MYBPC3: variants seen among roughly 807,000 people sequenced by gnomAD.
MYBPC3 encodes myosin-binding protein C, cardiac-type.
In MYBPC3, 108 loss-of-function variants were observed where a neutral mutation model predicts 159.3. That is an observed-to-expected ratio of 0.68 (90% CI 0.58 to 0.80). MYBPC3 has a LOEUF of 0.80. Among genes scored for constraint, MYBPC3 ranks in the 30% least tolerant of loss-of-function variants. The pLI is 0.00. For synonymous variants in MYBPC3, 730 were observed against 702.0 expected (o/e 1.04, Z -0.63); for missense variants, 1,631 against 1,762.1 (o/e 0.93, Z 1.33).
At position 47,351,433 on chromosome 11, in the gene MYBPC3, G is replaced by A. The variant is rs2095900926; in HGVS notation, c.98C>T (p.Thr33Ile). ...AGSPAVFEAE[T>I]ERAGVKVRWQ... ...GCGCACCTTCACTCCTGCCCGCTCT[G>A]TCTCGGCCTCGAACACGGCAGGGCT... Residue 33 changes from threonine (T) to isoleucine (I), a missense_variant, in exon 2 of 35, where the codon ACA (threonine) becomes ATA (isoleucine). Transcript: ENST00000545968. The surrounding 1 kb of genome is among the most constrained non-coding windows in gnomAD (Gnocchi z 4.2). The A allele has an allele frequency of 6.8e-6, 11 of 1,609,728 alleles. No homozygotes were observed. The highest frequency in any genetic ancestry group is 1.6e-4 in the Middle Eastern group (1 of 6,080).
At chr11:47,350,678 C>T in intron 2 of MYBPC3, 63 bp from the exon 3 acceptor site, 18 of 1,411,490 alleles carry the variant, frequency 1.3e-5, no homozygotes, top group Non-Finnish European at 1.7e-5. Context: ...CACCCTCTCT[C>T]TCCTGAGCAT....
chr11:47,332,992 G>T lies in MYBPC3; in HGVS notation c.3331-19C>A. On this transcript the variant is annotated intron_variant, in intron 30 of 34. Transcript: ENST00000545968. The surrounding 1 kb of genome is among the most constrained non-coding windows in gnomAD (Gnocchi z 4.2). ...ACCACTCCTGGGGGCAGGGAGGGAG[G>T]GGAGGCATCTCTGGGCCAGGCCCTT... The T allele has an allele frequency of 6.2e-7, 1 of 1,602,638 alleles. No individual in the cohort carries two copies. The highest frequency in any genetic ancestry group is 1.1e-5 in the South Asian group (1 of 89,062).
At position 47,346,606 on chromosome 11, in the gene MYBPC3, T is replaced by C; in HGVS notation, c.926+21A>G. The C allele has an allele frequency of 6.4e-7, 1 of 1,567,608 alleles. No individual in the cohort carries two copies. Among genetic ancestry groups the C allele is most frequent in the Admixed American group, 1.9e-5 (1 of 53,430 alleles). On this transcript the variant is annotated intron_variant, in intron 11 of 34. Coordinates refer to ENST00000545968, the MANE Select transcript of MYBPC3 (RefSeq NM_000256.3). This position sits in a 1 kb window ranked among gnomAD's most constrained non-coding sequence, Gnocchi z 5.3. Reference sequence around the variant, plus strand: ...GCAGAATTAGGGGTGATGAGGGTGCTGTGCTATGTTGGGCACTCACCTCGG... The same window carrying C: ...GCAGAATTAGGGGTGATGAGGGTGCCGTGCTATGTTGGGCACTCACCTCGG...
chr11:47,345,632 C>T (rs141487051), intron 12 of MYBPC3, among the ~76,000 whole-genome samples: 2 of 152,288 alleles, frequency 1.3e-5, no homozygotes, highest in Non-Finnish European at 2.9e-5. Context: ...CTTGTCAACC[C>T]CTCAGTGGAG....
intron 5 of MYBPC3, among the ~76,000 whole-genome samples, chr11:47,348,930 A>ATATATATATATAT (rs1291880008): frequency 3.3e-4 from 44 of 133,592 alleles, no homozygotes; most frequent in Non-Finnish European, 4.6e-4. Flanking sequence ...ATATATATTT[A>ATATATATATATAT]AAGGAGGCTG....
At chr11:47,337,952 C>CTTTT (rs11323436) in intron 23 of MYBPC3, among the ~76,000 whole-genome samples, 158 bp from the exon 24 acceptor site, 6 of 116,628 alleles carry the variant, frequency 5.1e-5, no homozygotes, top group Non-Finnish European at 8.5e-5. Flanking sequence ...TCTTCTTTTC[C>CTTTT]TTTTTTTTTT....
In MYBPC3 at chr11:47,342,613, C is replaced by T. The variant is rs753696015; in HGVS notation, c.1589G>A (p.Ser530Asn). ...GAGCTCAGCCAGCGCCTGGCCCCCG[C>T]TAGTGCACAGTGCATAGTGCCCCGC... ...EDAGHYALCTSGGQALAELIV... is the reference protein window; with the variant it reads ...EDAGHYALCTNGGQALAELIV... Residue 530 changes from serine (S) to asparagine (N), a missense_variant, in exon 17 of 35, where the codon AGC becomes AAC. Physicochemically the swap from Ser to Asn is conservative, Grantham distance 46. Coordinates refer to ENST00000545968, the MANE Select transcript of MYBPC3 (RefSeq NM_000256.3). 1 of 1,613,290 alleles carries T rather than the reference C, an allele frequency of 6.2e-7. No homozygotes were observed. The highest frequency in any genetic ancestry group is 1.7e-5 in the Admixed American group (1 of 59,984).
chr11:47,337,386 C>A lies in MYBPC3; in HGVS notation c.2602+5G>T. The A allele has an allele frequency of 6.3e-7, 1 of 1,574,946 alleles. No individual in the cohort carries two copies. ...GGGGGGCAGGACCAGGCCAGGCAGGCTCACCGATAGGCATGAAGGGCTGGG... is the reference window on the plus strand; with the variant it reads ...GGGGGGCAGGACCAGGCCAGGCAGGATCACCGATAGGCATGAAGGGCTGGG... On this transcript the variant is annotated splice_donor_5th_base_variant and intron_variant, in intron 25 of 34. Transcript: ENST00000545968.
rs193922379 is a variant in MYBPC3 at position 47,337,456 on chromosome 11, A to T, written c.2537T>A (p.Val846Asp). ...MIEGVVYEMR[V>D]YAVNAIGMSR... The stretch of plus-strand genomic sequence containing the variant: ...CATGCCGATGGCGTTGACCGCGTAG[A>T]CGCGCATCTCGTACACCACGCCCTC... Residue 846 changes from valine (V) to aspartate (D), a missense_variant, in exon 25 of 35, where the codon GTC becomes GAC. Transcript: ENST00000545968. The T allele has an allele frequency of 6.2e-7, 1 of 1,613,480 alleles. No homozygotes were observed. The highest frequency in any genetic ancestry group is 8.5e-7 in the Non-Finnish European group (1 of 1,179,812).
Position 47,351,426 on chromosome 11 carries a change from C to G in MYBPC3, c.105G>C (p.Arg35=). Residue 35 remains arginine, a synonymous_variant, in exon 2 of 35, where the codon CGG becomes CGC. Coordinates refer to ENST00000545968, the MANE Select transcript of MYBPC3 (RefSeq NM_000256.3). This position sits in a 1 kb window ranked among gnomAD's most constrained non-coding sequence, Gnocchi z 4.2. ...SPAVFEAETE[R]AGVKVRWQRG... is the part of the protein sequence containing the mutation. ...GCTGCCAGCGCACCTTCACTCCTGC[C>G]CGCTCTGTCTCGGCCTCGAACACGG... 6.2e-7 allele frequency: 1 copy of G among 1,610,246 alleles called. No homozygotes were observed. The highest frequency in any genetic ancestry group is 8.5e-7 in the Non-Finnish European group (1 of 1,178,796).
rs730880712 is a variant in MYBPC3, at chr11:47,342,621, C to CAGTG, written c.1577_1580dup (p.Cys528ThrfsTer4). On this transcript the variant is annotated frameshift_variant, in exon 17 of 35. Coordinates refer to ENST00000545968, the MANE Select transcript of MYBPC3 (RefSeq NM_000256.3). LOFTEE classifies it high-confidence loss of function. ...CCAGCGCCTGGCCCCCGCTAGTGCA[C>CAGTG]AGTGCATAGTGCCCCGCGTCCTCCA... 1 of 1,613,690 alleles carries CAGTG rather than the reference C, an allele frequency of 6.2e-7. No homozygotes were observed. The highest frequency in any genetic ancestry group is 8.5e-7 in the Non-Finnish European group (1 of 1,179,728).
At position 47,348,560 on chromosome 11, in the gene MYBPC3, G is replaced by A. The variant is rs781162442; in HGVS notation, c.655-19C>T. On this transcript the variant is annotated intron_variant, in intron 5 of 34. Transcript: ENST00000545968. ...GATAGACCTGTGTGCATGGAGGGAC[G>A]GGGCGTCAGGGGACACCAGGGGCCG... is the stretch of plus-strand genomic sequence containing the variant. 2.0e-5 allele frequency: 31 copies of A among 1,579,080 alleles called. No individual in the cohort carries two copies. Among genetic ancestry groups the A allele is most frequent in the East Asian group, 9.1e-5 (4 of 44,094 alleles).
At position 47,332,990 on chromosome 11, in the gene MYBPC3, A is replaced by C; in HGVS notation, c.3331-17T>G. 6 of 1,523,354 alleles carry C rather than the reference A, an allele frequency of 3.9e-6. No homozygotes were observed. Among genetic ancestry groups the C allele is most frequent in the African/African-American group, 1.4e-5 (1 of 73,284 alleles). 94.4% of individuals were successfully genotyped at this position (1,523,354 alleles called of 1,614,324 possible). A position where few individuals can be genotyped will look rare whatever the true frequency, so the allele number is the denominator to read the frequency against. On this transcript the variant is annotated splice_polypyrimidine_tract_variant and intron_variant, in intron 30 of 34. Coordinates refer to ENST00000545968, the MANE Select transcript of MYBPC3 (RefSeq NM_000256.3). The surrounding 1 kb of genome is among the most constrained non-coding windows in gnomAD (Gnocchi z 4.2). ...GAACCACTCCTGGGGGCAGGGAGGG[A>C]GGGGAGGCATCTCTGGGCCAGGCCC...
At chr11:47,345,736 AGCCAG>A (rs1173728234) in intron 12 of MYBPC3, among the ~76,000 whole-genome samples, 2 of 152,174 alleles carry the variant, frequency 1.3e-5, no homozygotes, top group Non-Finnish European at 2.9e-5. Flanking sequence ...GAGAAAGATT[AGCCAG>A]GCTCTTTTCT....
rs755160084 is a variant in MYBPC3, at chr11:47,332,625, G to A, written c.3568C>T (p.Arg1190Cys). 38 of 1,613,896 alleles carry A rather than the reference G, an allele frequency of 2.4e-5. No individual in the cohort carries two copies. Among genetic ancestry groups the A allele is most frequent in the South Asian group, 3.3e-5 (3 of 91,090 alleles). Residue 1190 changes from arginine to cysteine, a missense_variant, in exon 32 of 35, where the codon CGC becomes TGC. By Grantham distance (180) the Arg-to-Cys change is radical (BLOSUM62 -3). Coordinates refer to ENST00000545968, the MANE Select transcript of MYBPC3 (RefSeq NM_000256.3). The surrounding 1 kb of genome is among the most constrained non-coding windows in gnomAD (Gnocchi z 4.2). ...GCAGTGTAGCCCGCGATGACCGAGC[G>A]GTTCACCAGGGGCTGGGTGAAGCTT... is the stretch of plus-strand genomic sequence containing the variant. ...APSFTQPLVN[R>C]SVIAGYTAML...
At chr11:47,331,759 A>G (rs2095875805) in intron 34 of MYBPC3, 43 bp from the exon 35 acceptor site, 4 of 1,355,940 alleles carry the variant, frequency 2.9e-6, no homozygotes, top group Non-Finnish European at 1.0e-6. Context: ...GGGCCCCTAC[A>G]GCCTCCCATT....
At chr11:47,340,390 C>T (rs539553992) in intron 20 of MYBPC3, among the ~76,000 whole-genome samples, 17 of 152,340 alleles carry the variant, frequency 1.1e-4, no homozygotes, top group Admixed American at 3.9e-4. Context: ...GCAGTCTGGA[C>T]GCAGTGGCTC....
chr11:47,342,939 T>C lies in MYBPC3; in HGVS notation c.1352-4A>G. 2.5e-6 allele frequency: 4 copies of C among 1,611,466 alleles called. No homozygotes were observed. Among genetic ancestry groups the C allele is most frequent in the Non-Finnish European group, 3.4e-6 (4 of 1,178,816 alleles). On this transcript the variant is annotated splice_region_variant and splice_polypyrimidine_tract_variant and intron_variant, in intron 15 of 34. Transcript: ENST00000545968. The stretch of plus-strand genomic sequence containing the variant: ...CGCGTGATGAGCACAGGGGGCTCTG[T>C]CCAGGCAGGGTGAGCATGAGGGTTG...
chr11:47,333,208 C>T lies in MYBPC3; in HGVS notation c.3316G>A (p.Asp1106Asn), dbSNP rs377106864. 4.0e-5 allele frequency: 64 copies of T among 1,601,302 alleles called. No individual in the cohort carries two copies. Among genetic ancestry groups the T allele is most frequent in the East Asian group, 2.2e-4 (10 of 44,448 alleles). ...CCTGGGCTCACCATGGTCTTCTTGT[C>T]GGCTTTCTGCACTGTGTACCCCCAG... ...ELWGYTVQKA[D>N]KKTMEWFTVL... is the part of the protein sequence containing the mutation. Residue 1106 changes from aspartate to asparagine, a missense_variant, in exon 30 of 35, where the codon GAC (aspartate) becomes AAC (asparagine). Physicochemically the swap from Asp to Asn is conservative, Grantham distance 23 (BLOSUM62 1). Coordinates refer to ENST00000545968, the MANE Select transcript of MYBPC3 (RefSeq NM_000256.3).
Sources: allele counts gnomAD v4.1 joint callset (sites outside exome capture counted in the v4.1 genomes callset), GRCh38; gene constraint gnomAD v4.1.1; non-coding constraint Gnocchi (gnomAD v3.1); transcripts MANE v1.5; gene names NCBI Gene and HGNC (gene_info 2026-07-23, HGNC 2026-07-21).